SHISA6: variants seen among roughly 807,000 people sequenced by gnomAD.
The protein encoded by SHISA6 is protein shisa-6.
Under a neutral mutation model 47.9 loss-of-function variants are expected in SHISA6, and 22 were observed. The observed-to-expected ratio is 0.46, with a 90% CI of 0.33 to 0.66. SHISA6 has a LOEUF of 0.66. Ranked by LOEUF, SHISA6 falls within the 30% of genes least tolerant of loss-of-function variation. The probability of loss-of-function intolerance (pLI) is 0.02; values close to 1 mark genes in which losing one functional copy is unlikely to be tolerated. For missense variants in SHISA6, 680 were observed against 764.6 expected (o/e 0.89, Z 1.30); for synonymous variants, 388 against 337.8 (o/e 1.15, Z -1.63).
intron 1 of SHISA6, among the ~76,000 whole-genome samples, chr17:11,243,687 G>T (rs1448848778): frequency 6.6e-6 from 1 of 152,230 alleles, no homozygotes; most frequent in Non-Finnish European, 1.5e-5. Flanking sequence ...CCGTGGGCAG[G>T]TGCTGTCCTG....
intron 3 of SHISA6, among the ~76,000 whole-genome samples, chr17:11,427,042 C>G (rs1482257733): frequency 6.6e-6 from 1 of 152,094 alleles, no homozygotes; most frequent in South Asian, 2.1e-4. Context: ...GCCCCAGAAC[C>G]CTGGGGGTAA....
chr17:11,384,278 T>A (rs1056118515), intron 3 of SHISA6, among the ~76,000 whole-genome samples: 12 of 152,178 alleles, frequency 7.9e-5, no homozygotes, highest in African/African-American at 1.9e-4. Flanking sequence ...TGTGCTTCCA[T>A]GGGAACCACA....
chr17:11,536,932 C>A (rs1278489906), intron 3 of SHISA6, among the ~76,000 whole-genome samples: 31 of 152,210 alleles, frequency 2.0e-4, no homozygotes, highest in Admixed American at 2.0e-3. Flanking sequence ...ACAAACACAG[C>A]TCCAGCATCT....
intron 2 of SHISA6, among the ~76,000 whole-genome samples, chr17:11,330,047 G>A (rs1482701696): frequency 6.6e-6 from 1 of 152,068 alleles, no homozygotes; most frequent in Non-Finnish European, 1.5e-5. Flanking sequence ...CATATGAGTA[G>A]AATATGGCCG....
At chr17:11,383,050 G>A (rs1225472073) in intron 3 of SHISA6, among the ~76,000 whole-genome samples, 1 of 145,652 alleles carries the variant, frequency 6.9e-6, no homozygotes, top group Non-Finnish European at 1.5e-5. Context: ...CAATTCTTCT[G>A]CCTCAGCCTC....
At position 11,558,583 on chromosome 17, in the gene SHISA6, A is replaced by C. The variant is rs2072007552; in HGVS notation, c.*279A>C. ...GGGCTAGGCCCCATTCTCACCCCCGACCACCTTCACCAACTCCCTTTCCGT... is the reference window on the plus strand; with the variant it reads ...GGGCTAGGCCCCATTCTCACCCCCGCCCACCTTCACCAACTCCCTTTCCGT... On this transcript the variant is annotated 3_prime_UTR_variant, in exon 6 of 6. Transcript: ENST00000441885. 8.4e-6 allele frequency: 4 copies of C among 476,708 alleles called. No homozygotes were observed. The highest frequency in any genetic ancestry group is 1.9e-5 in the African/African-American group (1 of 51,744). The allele number at this position is 476,708 out of a possible 1,614,324, so 29.5% of individuals were successfully genotyped here.
chr17:11,382,885 G>A (rs36142365), intron 3 of SHISA6, among the ~76,000 whole-genome samples: 29,146 of 149,922 alleles, frequency 0.19, 3,091 homozygotes, highest in Middle Eastern at 0.28. Flanking sequence ...AAGTGAAGAT[G>A]GGAGTCTTCA....
At chr17:11,304,409 G>A (rs538823684) in intron 2 of SHISA6, among the ~76,000 whole-genome samples, 5 of 152,308 alleles carry the variant, frequency 3.3e-5, no homozygotes, top group East Asian at 1.9e-4. Flanking sequence ...AAAAGATGAC[G>A]GCCCCTGCTT....
intron 3 of SHISA6, among the ~76,000 whole-genome samples, chr17:11,439,667 T>TA (rs11444200): frequency 0.014 from 2,187 of 151,966 alleles, 62 homozygotes; most frequent in African/African-American, 0.049. Context: ...ATAAAGCAGG[T>TA]AAAAAAAATT....
chr17:11,294,778 A>C (rs1597444613), intron 2 of SHISA6, among the ~76,000 whole-genome samples: 1 of 152,064 alleles, frequency 6.6e-6, no homozygotes, highest in East Asian at 1.9e-4. Flanking sequence ...TAATTTCACC[A>C]CTAAAAGATT....
intron 3 of SHISA6, among the ~76,000 whole-genome samples, chr17:11,514,819 C>CATGTCCTATTGTATAGCAGCAGCCTCA (rs2071569370): frequency 2.6e-5 from 4 of 152,214 alleles, no homozygotes; most frequent in Non-Finnish European, 5.9e-5. Context: ...GCACAGGGCA[C>CATGTCCTATTGTATAGCAGCAGCCTCA]ATGTCCTATT....
chr17:11,274,202 C>T (rs2142155371), intron 2 of SHISA6, among the ~76,000 whole-genome samples: 1 of 152,292 alleles, frequency 6.6e-6, no homozygotes, highest in Admixed American at 6.5e-5. Flanking sequence ...CAGAGAGAGC[C>T]TACTTTCCCC....
chr17:11,408,271 T>C (rs1914021214), intron 3 of SHISA6, among the ~76,000 whole-genome samples: 1 of 152,214 alleles, frequency 6.6e-6, no homozygotes, highest in African/African-American at 2.4e-5. Flanking sequence ...TCAGTATCTC[T>C]AAAGCAGTGG....
chr17:11,333,158 C>CCACT (rs1911190041), intron 2 of SHISA6, among the ~76,000 whole-genome samples: 2 of 152,136 alleles, frequency 1.3e-5, no homozygotes, highest in South Asian at 4.2e-4. Context: ...TATTTAGGCC[C>CCACT]CACTCTGTAA....
intron 2 of SHISA6, among the ~76,000 whole-genome samples, chr17:11,337,754 T>G (rs759478227): frequency 6.6e-6 from 1 of 152,202 alleles, no homozygotes; most frequent in Non-Finnish European, 1.5e-5. Context: ...TCTCACTGTT[T>G]GCCTGTCTTC....
intron 1 of SHISA6, among the ~76,000 whole-genome samples, chr17:11,253,610 C>T (rs541034150): frequency 3.3e-5 from 5 of 152,168 alleles, no homozygotes; most frequent in South Asian, 2.1e-4. Flanking sequence ...ATGTCTGTTT[C>T]GTTGATAGGG....
At chr17:11,326,565 C>G (rs1330427464) in intron 2 of SHISA6, among the ~76,000 whole-genome samples, 1 of 152,220 alleles carries the variant, frequency 6.6e-6, no homozygotes, top group Non-Finnish European at 1.5e-5. Flanking sequence ...TTCATAATGA[C>G]ATGGCACCAT....
In SHISA6 at chr17:11,477,304, C is replaced by T. The variant is rs182505170; in HGVS notation, c.896-74592C>T. Among the ~76,000 whole-genome samples, 141 of 128,256 alleles carry T rather than the reference C, an allele frequency of 1.1e-3. 1 individual carries two copies. Among genetic ancestry groups the T allele is most frequent in the African/African-American group, 4.5e-3 (136 of 30,526 alleles). The allele number at this position is 128,256 out of a possible 152,430, so 84.1% of individuals were successfully genotyped here. Reference sequence around the variant, plus strand: ...GGATTAGTATCTACCATATTTATTACAGTTTTCTGTGTTGTTCTTTATGTT... The same window carrying T: ...GGATTAGTATCTACCATATTTATTATAGTTTTCTGTGTTGTTCTTTATGTT... On this transcript the variant is annotated intron_variant, in intron 3 of 5. Coordinates refer to ENST00000441885, the MANE Select transcript of SHISA6 (RefSeq NM_207386.4).
chr17:11,308,608 C>T (rs77964853), intron 2 of SHISA6, among the ~76,000 whole-genome samples: 3 of 152,312 alleles, frequency 2.0e-5, no homozygotes, highest in Non-Finnish European at 4.4e-5. Flanking sequence ...CCTCATTTCA[C>T]AAGCTGATCC....
Sources: allele counts gnomAD v4.1 joint callset (sites outside exome capture counted in the v4.1 genomes callset), GRCh38; gene constraint gnomAD v4.1.1; transcripts MANE v1.5; gene names NCBI Gene and HGNC (gene_info 2026-07-23, HGNC 2026-07-21).